The following HEATR5A variants were observed in gnomAD, a reference collection of about 807,000 sequenced individuals.
The protein encoded by HEATR5A is HEAT repeat containing 5A.
In HEATR5A, 178 loss-of-function variants were observed where a neutral mutation model predicts 218.8. That is an observed-to-expected ratio of 0.81 (90% CI 0.72 to 0.92). HEATR5A has a LOEUF of 0.92. HEATR5A is among the 40% of genes least tolerant of loss of function. The pLI, the probability that HEATR5A is intolerant of heterozygous loss-of-function variation, is 0.00. For synonymous variants in HEATR5A, 864 were observed against 871.6 expected (o/e 0.99, Z 0.15); for missense variants, 2,420 against 2,418.9 (o/e 1.00, Z -0.01).
chr14:31,340,407 G>T, intron 21 of HEATR5A: 1 of 1,250,564 alleles, frequency 8.0e-7, no homozygotes, highest in Non-Finnish European at 1.0e-6. Flanking sequence ...AAACAGCACC[G>T]CAAAACTCAA....
chr14:31,386,425 C>T lies in HEATR5A; in HGVS notation c.1340G>A (p.Ser447Asn). ...TTAAPLLQDS[S>N]TGLLDSILSV... The stretch of plus-strand genomic sequence containing the variant: ...TGAGTCACAAACAGATATACCTGTA[C>T]TTGAATCCTGTAGCAAAGGTGCCGC... Residue 447 changes from serine (S) to asparagine (N), a missense_variant, in exon 9 of 36, where the codon AGT becomes AAT. Transcript: ENST00000543095. 2 of 1,613,290 alleles carry T rather than the reference C, an allele frequency of 1.2e-6. No homozygotes were observed. Among genetic ancestry groups the T allele is most frequent in the Non-Finnish European group, 1.7e-6 (2 of 1,179,538 alleles).
intron 32 of HEATR5A, among the ~76,000 whole-genome samples, chr14:31,303,114 A>G (rs1899440644): frequency 6.6e-6 from 1 of 151,988 alleles, no homozygotes; most frequent in Non-Finnish European, 1.5e-5. Context: ...CTGTCTAAAA[A>G]AAAAACCAAC....
chr14:31,374,533 G>A (rs1392439350), intron 12 of HEATR5A, among the ~76,000 whole-genome samples: 1 of 152,160 alleles, frequency 6.6e-6, no homozygotes, highest in East Asian at 1.9e-4. Flanking sequence ...TTTCTGAAAA[G>A]AGGAATGAAT....
intron 9 of HEATR5A, among the ~76,000 whole-genome samples, chr14:31,385,080 A>C (rs1421162256): frequency 6.6e-6 from 1 of 152,220 alleles, no homozygotes; most frequent in Non-Finnish European, 1.5e-5. Context: ...CACAAATATA[A>C]TGTAAAGTTT....
rs371329229 is a variant in HEATR5A at position 31,386,467 on chromosome 14, T to C, written c.1298A>G (p.His433Arg). 2.5e-4 allele frequency: 403 copies of C among 1,613,792 alleles called. No homozygotes were observed. Among genetic ancestry groups the C allele is most frequent in the Non-Finnish European group, 3.3e-4 (388 of 1,179,840 alleles). ...AGGTGCCGCTGTGGTGCCAAGATTG[T>C]GTATGAGATTTCCAAGTTCTTGTAA... Reference protein sequence around the residue: ...CALQELGNLIHNLGTTAAPLL... With the variant: ...CALQELGNLIRNLGTTAAPLL... Residue 433 changes from histidine to arginine, a missense_variant, in exon 9 of 36, where the codon CAC becomes CGC. By Grantham distance (29) the His-to-Arg change is conservative (BLOSUM62 0). Coordinates refer to ENST00000543095, the MANE Select transcript of HEATR5A (RefSeq NM_015473.4).
At chr14:31,410,663 A>G (rs1388277439) in intron 1 of HEATR5A, among the ~76,000 whole-genome samples, 2 of 152,230 alleles carry the variant, frequency 1.3e-5, no homozygotes, top group Non-Finnish European at 2.9e-5. Context: ...GGTAAAATGG[A>G]TAAGAAGCAA....
intron 12 of HEATR5A, among the ~76,000 whole-genome samples, chr14:31,374,362 T>C (rs928617502): frequency 1.3e-5 from 2 of 150,896 alleles, no homozygotes; most frequent in African/African-American, 4.9e-5. Context: ...AGGCTTCTGG[T>C]CAACAGTAGG....
chr14:31,404,345 C>T (rs1020024845), intron 1 of HEATR5A, among the ~76,000 whole-genome samples: 15 of 152,120 alleles, frequency 9.9e-5, no homozygotes, highest in Admixed American at 6.6e-4. Context: ...CCTAAACAAA[C>T]CTCATACTTT....
Position 31,294,087 on chromosome 14 carries a change from G to A in HEATR5A, c.5637C>T (p.Tyr1879=), listed in dbSNP as rs555102326. 1 of 1,589,676 alleles carries A rather than the reference G, an allele frequency of 6.3e-7. No individual in the cohort carries two copies. The highest frequency in any genetic ancestry group is 1.1e-5 in the South Asian group (1 of 87,328). The stretch of plus-strand genomic sequence containing the variant: ...ACTGAAAGATGGAATGTAGGAGCTG[G>A]TAGGTCTTGATTTGTACCTAATAAG... ...IKDPVVQIKT[Y]QLLHSIFQYP... is the part of the protein sequence containing the mutation. The change falls in exon 35 of 36, where the codon TAC becomes TAT. Residue 1879 remains tyrosine (Y), a synonymous_variant. Transcript: ENST00000543095.
chr14:31,340,944 T>TA (rs548300125), intron 21 of HEATR5A, among the ~76,000 whole-genome samples: 153 of 152,342 alleles, frequency 1.0e-3, no homozygotes, highest in African/African-American at 3.6e-3. Context: ...CTAGTGTAGC[T>TA]AAGGCCAAGT....
intron 21 of HEATR5A, among the ~76,000 whole-genome samples, chr14:31,343,179 A>C (rs1239787643): frequency 1.4e-5 from 2 of 142,166 alleles, no homozygotes; most frequent in African/African-American, 5.3e-5. Flanking sequence ...TGCAACCTCC[A>C]CCTCCCGGGT....
intron 13 of HEATR5A, among the ~76,000 whole-genome samples, chr14:31,368,825 G>A (rs1901907870): frequency 6.6e-6 from 1 of 151,850 alleles, no homozygotes; most frequent in African/African-American, 2.4e-5. Context: ...GCCTCCCAAA[G>A]CACTAGGATT....
At chr14:31,342,362 T>C (rs1033548055) in intron 21 of HEATR5A, among the ~76,000 whole-genome samples, 2 of 152,178 alleles carry the variant, frequency 1.3e-5, no homozygotes, top group African/African-American at 4.8e-5. Flanking sequence ...CACTCCAGCC[T>C]GACAAAGTGA....
Position 31,359,024 on chromosome 14 carries a change from G to A in HEATR5A, c.2105C>T (p.Ala702Val). 1 of 1,590,196 alleles carries A rather than the reference G, an allele frequency of 6.3e-7. No homozygotes were observed. The highest frequency in any genetic ancestry group is 1.2e-5 in the South Asian group (1 of 85,752). ...CTGAATATCAGGGGCAGTCAAGTCA[G>A]CAGCCAGCTCTCTGAGGATAGCACA... ...NLCAILRELAADLTAPDIQVA... is the reference protein window; with the variant it reads ...NLCAILRELAVDLTAPDIQVA... The change falls in exon 15 of 36, where the codon GCT (alanine) becomes GTT (valine). Residue 702 changes from alanine to valine, a missense_variant. Ala to Val is a moderately conservative substitution (Grantham distance 64, BLOSUM62 0). Coordinates refer to ENST00000543095, the MANE Select transcript of HEATR5A (RefSeq NM_015473.4).
At chr14:31,340,380 C>CA in intron 21 of HEATR5A, 2 of 1,011,410 alleles carry the variant, frequency 2.0e-6, no homozygotes, top group South Asian at 1.4e-5. Context: ...CATCTACAAC[C>CA]AAAAAATGAC....
At chr14:31,301,745 G>A (rs574346200) in intron 33 of HEATR5A, among the ~76,000 whole-genome samples, 17 of 150,916 alleles carry the variant, frequency 1.1e-4, no homozygotes, top group African/African-American at 3.7e-4. Context: ...CGCCAGCTTC[G>A]GCTTCCCAAA....
chr14:31,414,714 C>T (rs1157922688), intron 1 of HEATR5A, among the ~76,000 whole-genome samples: 1 of 152,176 alleles, frequency 6.6e-6, no homozygotes, highest in Non-Finnish European at 1.5e-5. Flanking sequence ...TTGGAATCTT[C>T]CTTTTCCCTC....
intron 21 of HEATR5A, among the ~76,000 whole-genome samples, chr14:31,339,926 T>C (rs1900789220): frequency 6.6e-6 from 1 of 151,470 alleles, no homozygotes; most frequent in South Asian, 2.1e-4. Context: ...TCAACTGGAG[T>C]TTTACAAGCA....
rs570303230 is a variant in HEATR5A, at chr14:31,306,272, G to A, written c.4966+460C>T. On this transcript the variant is annotated intron_variant, in intron 31 of 35. Coordinates refer to ENST00000543095, the MANE Select transcript of HEATR5A (RefSeq NM_015473.4). ...GTGGGTGGATTGCCTGAGTCCAGGA[G>A]TTCGAGAGACCAGGCTGGGCAACAT... is the stretch of plus-strand genomic sequence containing the variant. Among the ~76,000 whole-genome samples, 17 of 152,294 alleles carry A rather than the reference G, an allele frequency of 1.1e-4. 1 individual carries two copies. The South Asian group carries it at 2.7e-3, about 24-fold the overall frequency.
Sources: allele counts gnomAD v4.1 joint callset (sites outside exome capture counted in the v4.1 genomes callset), GRCh38; gene constraint gnomAD v4.1.1; transcripts MANE v1.5; gene names NCBI Gene and HGNC (gene_info 2026-07-23, HGNC 2026-07-21).